SLC26A9: variants seen among roughly 807,000 people sequenced by gnomAD.
SLC26A9 encodes the protein anion transporter/exchanger protein 9.
SLC26A9 carries 46 observed loss-of-function variants against 87.1 expected under a neutral mutation model. The observed-to-expected ratio is 0.53, with a 90% confidence interval of 0.42 to 0.67. SLC26A9 has a LOEUF of 0.67. Ranked by LOEUF, SLC26A9 falls within the 30% of genes least tolerant of loss-of-function variation. SLC26A9 has a pLI of 0.00. For synonymous variants in SLC26A9, 437 were observed against 409.1 expected, an observed-to-expected ratio of 1.07 and a Z score of -0.82; for missense variants, 927 against 1,018.3, an observed-to-expected ratio of 0.91 and a Z score of 1.22.
chr1:205,924,460 G>A lies in SLC26A9; in HGVS notation c.1419C>T (p.Ser473=), dbSNP rs1658985490. 1.9e-6 allele frequency: 3 copies of A among 1,614,234 alleles called. No individual in the cohort carries two copies. Among genetic ancestry groups the A allele is most frequent in the African/African-American group, 2.7e-5 (2 of 75,068 alleles). The stretch of plus-strand genomic sequence containing the variant: ...CACCATAGGGCAGGCTGAGGAAGAA[G>A]GAGGAGAGGAAGCTCACTACCCAGA... ...CCIWVVSFLS[S]FFLSLPYGVA... is the part of the protein sequence containing the mutation. Residue 473 remains serine, a synonymous_variant, in exon 13 of 21, where the codon TCC becomes TCT. Transcript: ENST00000367135.
At chr1:205,915,437 AAG>A (rs764709523) in intron 20 of SLC26A9, 33 bp from the exon 21 acceptor site, 2 of 1,613,032 alleles carry the variant, frequency 1.2e-6, no homozygotes, top group East Asian at 4.5e-5. Context: ...GTGGGAGGGG[AAG>A]AGAGAGGTTA....
intron 1 of SLC26A9, among the ~76,000 whole-genome samples, chr1:205,937,580 T>C (rs1434798495): frequency 1.3e-5 from 2 of 152,222 alleles, no homozygotes; most frequent in African/African-American, 4.8e-5. Flanking sequence ...GGCTGGCCTT[T>C]TATAGGCACC....
At chr1:205,916,917 A>G (rs1051235985) in intron 20 of SLC26A9, among the ~76,000 whole-genome samples, 2 of 152,000 alleles carry the variant, frequency 1.3e-5, no homozygotes, top group Non-Finnish European at 2.9e-5. Context: ...CCCAGCCAAC[A>G]TGGTGAAAAG....
intron 2 of SLC26A9, among the ~76,000 whole-genome samples, chr1:205,934,931 C>G (rs533642409): frequency 6.6e-6 from 1 of 152,226 alleles, no homozygotes; most frequent in African/African-American, 2.4e-5. Context: ...CCACTTCAGC[C>G]ATTGCCAGTG....
In SLC26A9 at chr1:205,928,040, G is replaced by A. The variant is rs774167009; in HGVS notation, c.963C>T (p.Thr321=). ...ACTGTGAGACCACAGGCGACACCGG[G>A]GTGGGGAACCTGCCGAGGAGCCAGG... The part of the protein sequence containing the change: ...IVGEIQRGFP[T]PVSPVVSQWK... Residue 321 remains threonine, a synonymous_variant, in exon 9 of 21, where the codon ACC becomes ACT. Transcript: ENST00000367135. The A allele has an allele frequency of 6.2e-7, 1 of 1,613,820 alleles. No individual in the cohort carries two copies. Among genetic ancestry groups the A allele is most frequent in the South Asian group, 1.1e-5 (1 of 91,070 alleles).
intron 1 of SLC26A9, among the ~76,000 whole-genome samples, chr1:205,936,336 C>G (rs902003634): frequency 6.6e-6 from 1 of 152,202 alleles, no homozygotes; most frequent in African/African-American, 2.4e-5. Context: ...CTGAGATGAC[C>G]TCAAGAGGAC....
intron 15 of SLC26A9, 22 bp from the exon 16 acceptor site, chr1:205,923,217 C>G (rs949236802): frequency 2.5e-6 from 4 of 1,612,870 alleles, no homozygotes; most frequent in Non-Finnish European, 3.4e-6. Flanking sequence ...GAGCCAACAG[C>G]AATCTTGACC....
intron 4 of SLC26A9, 89 bp from the exon 5 acceptor site, chr1:205,932,124 C>T (rs1659333309): frequency 1.3e-6 from 2 of 1,501,490 alleles, no homozygotes; most frequent in South Asian, 2.6e-5. Context: ...TTCCCGACCC[C>T]AGGGGGATGG....
Position 205,915,240 on chromosome 1 carries a change from C to T in SLC26A9, c.*117G>A. On this transcript the variant is annotated 3_prime_UTR_variant, in exon 21 of 21. Coordinates refer to ENST00000367135, the MANE Select transcript of SLC26A9 (RefSeq NM_052934.4). ...GAGAGGGGGAGAGGAGAGAGGAACCCAAGCTCTGGGGGATGCACTTTCCTC... is the reference window on the plus strand; with the variant it reads ...GAGAGGGGGAGAGGAGAGAGGAACCTAAGCTCTGGGGGATGCACTTTCCTC... 6.3e-7 allele frequency: 1 copy of T among 1,599,862 alleles called. No individual in the cohort carries two copies. Among genetic ancestry groups the T allele is most frequent in the Non-Finnish European group, 8.5e-7 (1 of 1,171,742 alleles).
At chr1:205,926,743 C>G in intron 11 of SLC26A9, 113 bp from the exon 12 acceptor site, 2 of 827,640 alleles carry the variant, frequency 2.4e-6, no homozygotes, top group Non-Finnish European at 4.0e-6. Context: ...TGGAACACCT[C>G]CCCTGGCTGA....
chr1:205,942,410 G>C (rs1186169102), intron 1 of SLC26A9, among the ~76,000 whole-genome samples: 1 of 152,198 alleles, frequency 6.6e-6, no homozygotes, highest in African/African-American at 2.4e-5. Flanking sequence ...AGCCACTCAG[G>C]GGGAAAGCCC....
chr1:205,915,901 G>A (rs1658574535), intron 20 of SLC26A9, among the ~76,000 whole-genome samples: 1 of 152,162 alleles, frequency 6.6e-6, no homozygotes, highest in Non-Finnish European at 1.5e-5. Flanking sequence ...GTGAGAGACG[G>A]ATTCAGAGCA....
chr1:205,935,360 G>A (rs1187718268), intron 2 of SLC26A9, among the ~76,000 whole-genome samples: 5 of 152,122 alleles, frequency 3.3e-5, no homozygotes, highest in African/African-American at 1.2e-4. Context: ...TAAGGGCTCT[G>A]ATGCTCCCCA....
Position 205,921,676 on chromosome 1 carries a change from G to C in SLC26A9, c.1945C>G (p.Pro649Ala), listed in dbSNP as rs767064445. 2.5e-6 allele frequency: 4 copies of C among 1,598,264 alleles called. No individual in the cohort carries two copies. The highest frequency in any genetic ancestry group is 2.6e-6 in the Non-Finnish European group (3 of 1,172,584). ...GGGACGCTGGCCAGCATGTCACTGGGCTCGCCGGGGGCCTCAGCGGAGGCT... is the reference window on the plus strand; with the variant it reads ...GGGACGCTGGCCAGCATGTCACTGGCCTCGCCGGGGGCCTCAGCGGAGGCT... ...PPASAEAPGEPSDMLASVPPF... is the reference protein window; with the variant it reads ...PPASAEAPGEASDMLASVPPF... Residue 649 changes from proline (P) to alanine (A), a missense_variant, in exon 17 of 21, where the codon CCC (proline) becomes GCC (alanine). Pro to Ala is a conservative substitution (Grantham distance 27). Coordinates refer to ENST00000367135, the MANE Select transcript of SLC26A9 (RefSeq NM_052934.4).
chr1:205,925,983 C>T (rs1659048676), intron 12 of SLC26A9, among the ~76,000 whole-genome samples: 1 of 152,138 alleles, frequency 6.6e-6, no homozygotes, highest in African/African-American at 2.4e-5. Context: ...TCATTTAATC[C>T]TCGGAACCAG....
Position 205,914,762 on chromosome 1 carries a change from G to A in SLC26A9, c.*595C>T. 4 of 1,152,008 alleles carry A rather than the reference G, an allele frequency of 3.5e-6. No homozygotes were observed. In the South Asian group the frequency reaches 4.6e-5, roughly 13 times the overall value. The allele number at this position is 1,152,008 out of a possible 1,614,324, so 71.4% of individuals were successfully genotyped here. A position where few individuals can be genotyped will look rare whatever the true frequency, so the allele number is the denominator to read the frequency against. On this transcript the variant is annotated 3_prime_UTR_variant, in exon 21 of 21. Transcript: ENST00000367135. ...TTTGGGCAGCCTTGGGGATGATGGA[G>A]GGGGGGCGCATAGTTACCAAGGCCT...
At chr1:205,921,978 C>A in intron 16 of SLC26A9, 131 bp from the exon 17 acceptor site, 1 of 1,209,992 alleles carries the variant, frequency 8.3e-7, no homozygotes, top group Non-Finnish European at 1.1e-6. Context: ...GAACACAGAC[C>A]CTGAAAGCTC....
At chr1:205,926,761 A>C in intron 11 of SLC26A9, 131 bp from the exon 12 acceptor site, 1 of 740,090 alleles carries the variant, frequency 1.4e-6, no homozygotes, top group Non-Finnish European at 2.3e-6. Flanking sequence ...TGATCCCCCA[A>C]ATCTCTGCAT....
chr1:205,917,178 G>A, intron 20 of SLC26A9, 105 bp downstream of exon 20: 1 of 1,061,902 alleles, frequency 9.4e-7, no homozygotes, highest in Non-Finnish European at 1.4e-6. Context: ...TGACTGCTCT[G>A]GGCTGGAGGT....
Sources: gnomAD v4.1 joint callset for allele counts (sites outside exome capture counted in the v4.1 genomes callset) on GRCh38, gnomAD v4.1.1 for gene constraint, MANE v1.5 for transcripts, NCBI Gene and HGNC (gene_info 2026-07-23, HGNC 2026-07-21) for gene names.